The following PTPRZ1 variants were observed in gnomAD, a reference collection of about 807,000 sequenced individuals.
The protein encoded by PTPRZ1 is receptor-type tyrosine-protein phosphatase zeta.
PTPRZ1 carries 82 observed loss-of-function variants against 214.1 expected under a neutral mutation model. The observed-to-expected ratio is 0.38, with a 90% CI of 0.32 to 0.46. The LOEUF (loss-of-function observed/expected upper bound fraction) is 0.46. Among genes scored for constraint, PTPRZ1 ranks in the 20% least tolerant of loss-of-function variants. The pLI, the probability that PTPRZ1 is intolerant of heterozygous loss-of-function variation, is 1.00. For missense variants in PTPRZ1, 2,603 were observed against 2,748.7 expected (o/e 0.95, Z 1.19); for synonymous variants, 945 against 987.9 (o/e 0.96, Z 0.81).
chr7:121,903,663 T>C (rs1404679466), intron 1 of PTPRZ1, among the ~76,000 whole-genome samples: 1 of 152,170 alleles, frequency 6.6e-6, no homozygotes. Flanking sequence ...TGCTTTCGGC[T>C]CACTTTGGTT....
chr7:122,024,834 A>G (rs1298239594), intron 13 of PTPRZ1, among the ~76,000 whole-genome samples: 1 of 152,154 alleles, frequency 6.6e-6, no homozygotes, highest in Non-Finnish European at 1.5e-5. Context: ...ATATTCTATG[A>G]GATGCTGCCT....
At chr7:121,995,582 G>T (rs768442680) in intron 8 of PTPRZ1, among the ~76,000 whole-genome samples, 3 of 152,158 alleles carry the variant, frequency 2.0e-5, no homozygotes, top group Admixed American at 1.3e-4. Flanking sequence ...ATTTTAAGAA[G>T]TCTCTGAATG....
intron 1 of PTPRZ1, among the ~76,000 whole-genome samples, chr7:121,926,898 A>T (rs745876794): frequency 2.0e-5 from 3 of 152,204 alleles, no homozygotes; most frequent in Admixed American, 2.0e-4. Context: ...ATTTTTACAA[A>T]TTTAAACACA....
intron 10 of PTPRZ1, among the ~76,000 whole-genome samples, chr7:122,003,160 C>T (rs1037998648): frequency 1.1e-4 from 16 of 152,016 alleles, no homozygotes; most frequent in African/African-American, 3.9e-4. Flanking sequence ...GAAGAACAGA[C>T]AGTGAGGAAA....
intron 2 of PTPRZ1, among the ~76,000 whole-genome samples, chr7:121,947,444 A>G (rs1253072201): frequency 6.6e-6 from 1 of 152,176 alleles, no homozygotes; most frequent in Non-Finnish European, 1.5e-5. Context: ...AGATAATATC[A>G]TAGAGCTCAC....
chr7:121,936,721 C>T (rs1333944716), intron 2 of PTPRZ1, among the ~76,000 whole-genome samples: 1 of 152,186 alleles, frequency 6.6e-6, no homozygotes, highest in African/African-American at 2.4e-5. Context: ...GTTATCTTAT[C>T]TGTAAGAAAA....
In PTPRZ1 at chr7:122,011,191, C is replaced by T. The variant is rs1280738029; in HGVS notation, c.2145C>T (p.Thr715=). The T allele has an allele frequency of 2.5e-6, 4 of 1,614,100 alleles. No homozygotes were observed. The highest frequency in any genetic ancestry group is 2.2e-5 in the East Asian group (1 of 44,854). The change falls in exon 12 of 30, where the codon ACC becomes ACT. Residue 715 remains threonine, a synonymous_variant. Transcript: ENST00000393386. ...ATCTGGAAATGCCACATTATTCTAC[C>T]TTTGCCTACTTCCCAACTGAGGTAA... is the stretch of plus-strand genomic sequence containing the variant. ...VTDLEMPHYS[T]FAYFPTEVTP...
chr7:122,039,660 A>G, intron 20 of PTPRZ1, 72 bp downstream of exon 20: 1 of 1,542,586 alleles, frequency 6.5e-7, no homozygotes, highest in Non-Finnish European at 8.8e-7. Context: ...AATAAGCGAT[A>G]GAACCAAGAA....
chr7:121,878,511 G>C (rs775486446), intron 1 of PTPRZ1, among the ~76,000 whole-genome samples: 5 of 152,238 alleles, frequency 3.3e-5, no homozygotes, highest in African/African-American at 4.8e-5. Context: ...CTAGAAACAT[G>C]ATGGGGCCTT....
intron 11 of PTPRZ1, among the ~76,000 whole-genome samples, chr7:122,007,262 A>ATGG (rs1798521347): frequency 1.3e-5 from 2 of 152,278 alleles, no homozygotes; most frequent in South Asian, 4.1e-4. Context: ...GGCTTTACCC[A>ATGG]TGGTGGTAGT....
chr7:121,951,061 T>A (rs190544732), intron 2 of PTPRZ1, among the ~76,000 whole-genome samples: 1 of 152,246 alleles, frequency 6.6e-6, no homozygotes, highest in Non-Finnish European at 1.5e-5. Context: ...TATGATCAAA[T>A]TAGATTTTAG....
intron 21 of PTPRZ1, among the ~76,000 whole-genome samples, chr7:122,041,310 G>GTT (rs1318462146): frequency 6.8e-6 from 1 of 147,868 alleles, no homozygotes; most frequent in Non-Finnish European, 1.5e-5. Context: ...TAATACCATG[G>GTT]GATAAAAATG....
In PTPRZ1 at chr7:121,972,625, G is replaced by A; in HGVS notation, c.389G>A (p.Trp130Ter). Residue 130 changes from tryptophan (W) to a stop codon, truncating the protein, a stop_gained, in exon 4 of 30, where the codon TGG becomes TAG. Coordinates refer to ENST00000393386, the MANE Select transcript of PTPRZ1 (RefSeq NM_002851.3). LOFTEE classifies it high-confidence loss of function. Reference protein sequence around the residue: ...VFKASKITFHWGKCNMSSDGS... With the variant: ...VFKASKITFH ...AAAGCAAGCAAGATAACTTTTCACT[G>A]GGGAAAATGCAATATGTCATCTGAT... 2 of 1,613,402 alleles carry A rather than the reference G, an allele frequency of 1.2e-6. No individual in the cohort carries two copies. Among genetic ancestry groups the A allele is most frequent in the Non-Finnish European group, 1.7e-6 (2 of 1,179,626 alleles).
At chr7:122,027,936 C>G (rs1012906709) in intron 13 of PTPRZ1, among the ~76,000 whole-genome samples, 2 of 152,180 alleles carry the variant, frequency 1.3e-5, no homozygotes, top group African/African-American at 4.8e-5. Flanking sequence ...AGTTCTGTCA[C>G]TCCTGCATTA....
chr7:122,010,962 C>T lies in PTPRZ1; in HGVS notation c.1916C>T (p.Ser639Leu). 4.3e-6 allele frequency: 7 copies of T among 1,614,128 alleles called. No individual in the cohort carries two copies. Among genetic ancestry groups the T allele is most frequent in the Non-Finnish European group, 5.9e-6 (7 of 1,180,010 alleles). ...NASEDSTSSGSEESLKDPSME... is the reference protein window; with the variant it reads ...NASEDSTSSGLEESLKDPSME... ...TCCGAAGATTCAACTTCATCAGGTT[C>T]AGAAGAATCACTAAAGGATCCTTCT... is the stretch of plus-strand genomic sequence containing the variant. The change falls in exon 12 of 30, where the codon TCA (serine) becomes TTA (leucine). Residue 639 changes from serine to leucine, a missense_variant. By Grantham distance (145) the Ser-to-Leu change is moderately radical. Around this residue, in one of 6 missense-constraint regions of PTPRZ1, gnomAD observed 1,913 missense variants for 1,914.3 expected, o/e 1.00. Transcript: ENST00000393386.
chr7:121,920,333 GCATAT>G (rs1584639084), intron 1 of PTPRZ1, among the ~76,000 whole-genome samples: 1 of 152,044 alleles, frequency 6.6e-6, no homozygotes, highest in East Asian at 1.9e-4. Context: ...TAAGTTAGTA[GCATAT>G]AATAACATAA....
chr7:122,060,028 C>G, intron 29 of PTPRZ1, 140 bp downstream of exon 29: 1 of 828,512 alleles, frequency 1.2e-6, no homozygotes, highest in Non-Finnish European at 1.8e-6. Context: ...AATTACAAGT[C>G]CACAATCCAT....
chr7:122,035,878 T>G lies in PTPRZ1; in HGVS notation c.5285-722T>G, dbSNP rs138301830. On this transcript the variant is annotated intron_variant, in intron 17 of 29. Coordinates refer to ENST00000393386, the MANE Select transcript of PTPRZ1 (RefSeq NM_002851.3). ...ATTTTCTCCAAATAAATAGTTTTTC[T>G]GTAGAACTGAATTTAATCTCAAACT... is the stretch of plus-strand genomic sequence containing the variant. 1.3e-3 allele frequency among the ~76,000 whole-genome samples: 204 copies of G among 152,360 alleles called. 1 individual carries two copies. Among genetic ancestry groups the G allele is most frequent in the African/African-American group, 4.1e-3 (171 of 41,598 alleles).
At chr7:121,992,057 A>G (rs895721079) in intron 8 of PTPRZ1, among the ~76,000 whole-genome samples, 9 of 152,228 alleles carry the variant, frequency 5.9e-5, no homozygotes, top group African/African-American at 1.7e-4. Context: ...GAGCTGTGTT[A>G]TACTGTACAG....
Sources: gnomAD v4.1 joint callset for allele counts (sites outside exome capture counted in the v4.1 genomes callset) on GRCh38, gnomAD v4.1.1 for gene constraint, gnomAD v4.1.1 regional missense constraint, MANE v1.5 for transcripts, NCBI Gene and HGNC (gene_info 2026-07-23, HGNC 2026-07-21) for gene names.